The following ACTRT2 variants were observed in gnomAD, a reference collection of about 807,000 sequenced individuals.
ACTRT2 encodes actin related protein T2, also known as actin-related protein T2.
In ACTRT2, 1 loss-of-function variant was observed where a neutral mutation model predicts 1.2. The observed-to-expected ratio is 0.80, with a 90% CI of 0.29 to 3.81. The LOEUF (loss-of-function observed/expected upper bound fraction) is 3.81. Among genes scored for constraint, ACTRT2 ranks in the 30% most tolerant of loss-of-function variants. The probability of loss-of-function intolerance (pLI) is 0.18; values close to 1 mark genes in which losing one functional copy is unlikely to be tolerated. For synonymous variants in ACTRT2, 262 were observed against 228.9 expected, an observed-to-expected ratio of 1.14 and a Z score of -1.30; for missense variants, 488 against 497.9, an observed-to-expected ratio of 0.98 and a Z score of 0.19.
Position 3,021,842 on chromosome 1 carries a change from C to A in ACTRT2, c.156C>A (p.Asn52Lys), listed in dbSNP as rs1055654275. The A allele has an allele frequency of 6.2e-7, 1 of 1,609,312 alleles. No individual in the cohort carries two copies. The highest frequency in any genetic ancestry group is 8.5e-7 in the Non-Finnish European group (1 of 1,177,860). The change falls in exon 1 of 1, where the codon AAC becomes AAA. Residue 52 changes from asparagine to lysine, a missense_variant. Asn to Lys is a moderately conservative substitution (Grantham distance 94). Coordinates refer to ENST00000378404, the MANE Select transcript of ACTRT2 (RefSeq NM_080431.5). ...TCCAGGCTCCCTCAGCAGAGGCCAACCAGAAGAAGTACTTTGTGGGGGAGG... is the reference window on the plus strand; with the variant it reads ...TCCAGGCTCCCTCAGCAGAGGCCAAACAGAAGAAGTACTTTGTGGGGGAGG... ...LKFQAPSAEA[N>K]QKKYFVGEEA...
At position 3,022,005 on chromosome 1, in the gene ACTRT2, C is replaced by T. The variant is rs35806103; in HGVS notation, c.319C>T (p.Leu107=). Residue 107 remains leucine, a synonymous_variant, in exon 1 of 1, where the codon CTG becomes TTG. Transcript: ENST00000378404. This position sits in a 1 kb window ranked among gnomAD's most constrained non-coding sequence, Gnocchi z 7.7. ...AGGCGTGAAACCCAGCGACCAGCCCCTGCTTGCAACGGAGCCCTCCCTGAA... is the reference window on the plus strand; with the variant it reads ...AGGCGTGAAACCCAGCGACCAGCCCTTGCTTGCAACGGAGCCCTCCCTGAA... ...ELGVKPSDQP[L]LATEPSLNPR... 0.014 allele frequency: 22,956 copies of T among 1,613,544 alleles called. 571 individuals are homozygous for T. Among genetic ancestry groups the T allele is most frequent in the African/African-American group, 0.099 (7,407 of 75,026 alleles).
chr1:3,022,571 C>T lies in ACTRT2; in HGVS notation c.885C>T (p.Leu295=), dbSNP rs568258879. 35 of 1,613,052 alleles carry T rather than the reference C, an allele frequency of 2.2e-5. No homozygotes were observed. The African/African-American group carries it at 3.3e-4, about 15-fold the overall frequency. The change falls in exon 1 of 1, where the codon CTC becomes CTT. Residue 295 remains leucine, a synonymous_variant. Coordinates refer to ENST00000378404, the MANE Select transcript of ACTRT2 (RefSeq NM_080431.5). This position sits in a 1 kb window ranked among gnomAD's most constrained non-coding sequence, Gnocchi z 7.7. ...TKCDTDIQKI[L]FGEIVLSGGT... is the part of the protein sequence containing the mutation. ...GTGATACCGACATCCAGAAGATCCT[C>T]TTTGGGGAGATTGTGCTGTCGGGGG...
chr1:3,022,505 C>A lies in ACTRT2; in HGVS notation c.819C>A (p.Ser273Arg), dbSNP rs533283923. 8 of 1,612,924 alleles carry A rather than the reference C, an allele frequency of 5.0e-6. No homozygotes were observed. In the Admixed American group the frequency reaches 1.2e-4, roughly 24 times the overall value. ...TGCCCCAGCAGCTGGGCAGCCAGAG[C>A]CCCGGGCTCTCGAATATGGTCTCCA... Reference protein sequence around the residue: ...LFVPQQLGSQSPGLSNMVSSS... With the variant: ...LFVPQQLGSQRPGLSNMVSSS... The change falls in exon 1 of 1, where the codon AGC becomes AGA. Residue 273 changes from serine (S) to arginine (R), a missense_variant. Transcript: ENST00000378404. The surrounding 1 kb of genome is among the most constrained non-coding windows in gnomAD (Gnocchi z 7.7).
chr1:3,022,784 G>A lies in ACTRT2; in HGVS notation c.1098G>A (p.Glu366=). 1 of 1,613,582 alleles carries A rather than the reference G, an allele frequency of 6.2e-7. No individual in the cohort carries two copies. Among genetic ancestry groups the A allele is most frequent in the African/African-American group, 1.3e-5 (1 of 75,034 alleles). Residue 366 remains glutamate (E), a synonymous_variant, in exon 1 of 1, where the codon GAG becomes GAA. Coordinates refer to ENST00000378404, the MANE Select transcript of ACTRT2 (RefSeq NM_080431.5). This position sits in a 1 kb window ranked among gnomAD's most constrained non-coding sequence, Gnocchi z 7.7. ...GGGTCACCGCCGCAGACTTCAAGGA[G>A]TTTGGGACCTCCGTGGTGCAGAGAA... is the stretch of plus-strand genomic sequence containing the variant. ...QMWVTAADFK[E]FGTSVVQRRC...
At position 3,022,509 on chromosome 1, in the gene ACTRT2, G is replaced by A. The variant is rs201977075; in HGVS notation, c.823G>A (p.Gly275Arg). Residue 275 changes from glycine to arginine, a missense_variant, in exon 1 of 1, where the codon GGG becomes AGG. Coordinates refer to ENST00000378404, the MANE Select transcript of ACTRT2 (RefSeq NM_080431.5). This position sits in a 1 kb window ranked among gnomAD's most constrained non-coding sequence, Gnocchi z 7.7. ...CCAGCAGCTGGGCAGCCAGAGCCCC[G>A]GGCTCTCGAATATGGTCTCCAGCAG... Reference protein sequence around the residue: ...VPQQLGSQSPGLSNMVSSSIT... With the variant: ...VPQQLGSQSPRLSNMVSSSIT... 6.5e-5 allele frequency: 105 copies of A among 1,612,780 alleles called. No homozygotes were observed. Among genetic ancestry groups the A allele is most frequent in the Non-Finnish European group, 7.5e-5 (89 of 1,180,026 alleles).
In ACTRT2 at chr1:3,021,703, C is replaced by T; in HGVS notation, c.17C>T (p.Ala6Val). 6.2e-7 allele frequency: 1 copy of T among 1,613,514 alleles called. No homozygotes were observed. Among genetic ancestry groups the T allele is most frequent in the Non-Finnish European group, 8.5e-7 (1 of 1,179,858 alleles). ...GCTGCGGGCATGTTTAATCCGCACG[C>T]TTTAGACTCCCCGGCTGTGATTTTT... Reference protein sequence around the residue: MFNPHALDSPAVIFDN... With the variant: MFNPHVLDSPAVIFDN... The change falls in exon 1 of 1, where the codon GCT (alanine) becomes GTT (valine). Residue 6 changes from alanine (A) to valine (V), a missense_variant. Transcript: ENST00000378404.
rs574181144 is a variant in ACTRT2, at chr1:3,021,557, A to G, written c.-130A>G. On this transcript the variant is annotated 5_prime_UTR_variant, in exon 1 of 1. Coordinates refer to ENST00000378404, the MANE Select transcript of ACTRT2 (RefSeq NM_080431.5). ...GGCTGAGGATGCAGGGCTCCCGGGCACGGTGCTAGCCCTGCCTTGAGACAC... is the reference window on the plus strand; with the variant it reads ...GGCTGAGGATGCAGGGCTCCCGGGCGCGGTGCTAGCCCTGCCTTGAGACAC... The G allele has an allele frequency of 7.0e-4, 925 of 1,312,428 alleles. 1 individual carries two copies. Among genetic ancestry groups the G allele is most frequent in the Non-Finnish European group, 9.1e-4 (880 of 962,828 alleles). The allele number at this position is 1,312,428 out of a possible 1,614,324, so 81.3% of individuals were successfully genotyped here.
rs1362937424 is a variant in ACTRT2, at chr1:3,022,059, G to A, written c.373G>A (p.Glu125Lys). The A allele has an allele frequency of 6.2e-7, 1 of 1,613,566 alleles. No individual in the cohort carries two copies. The highest frequency in any genetic ancestry group is 8.5e-7 in the Non-Finnish European group (1 of 1,180,040). Residue 125 changes from glutamate (E) to lysine (K), a missense_variant, in exon 1 of 1, where the codon GAA (glutamate) becomes AAA (lysine). Coordinates refer to ENST00000378404, the MANE Select transcript of ACTRT2 (RefSeq NM_080431.5). This position sits in a 1 kb window ranked among gnomAD's most constrained non-coding sequence, Gnocchi z 7.7. ...NPRENREKMAEVMFENFGVPA... is the reference protein window; with the variant it reads ...NPRENREKMAKVMFENFGVPA... ...CAGGGAGAACCGTGAGAAGATGGCA[G>A]AAGTCATGTTCGAGAACTTCGGCGT...
Position 3,021,559 on chromosome 1 carries a change from G to C in ACTRT2, c.-128G>C. 2 of 1,330,178 alleles carry C rather than the reference G, an allele frequency of 1.5e-6. No individual in the cohort carries two copies. The highest frequency in any genetic ancestry group is 1.4e-5 in the South Asian group (1 of 69,150). 82.4% of individuals were successfully genotyped at this position (1,330,178 alleles called of 1,614,324 possible). A position where few individuals can be genotyped will look rare whatever the true frequency, so the allele number is the denominator to read the frequency against. ...CTGAGGATGCAGGGCTCCCGGGCAC[G>C]GTGCTAGCCCTGCCTTGAGACACCC... On this transcript the variant is annotated 5_prime_UTR_variant, in exon 1 of 1. Coordinates refer to ENST00000378404, the MANE Select transcript of ACTRT2 (RefSeq NM_080431.5).
At position 3,021,801 on chromosome 1, in the gene ACTRT2, G is replaced by T; in HGVS notation, c.115G>T (p.Val39Leu). 6.2e-7 allele frequency: 1 copy of T among 1,613,614 alleles called. No homozygotes were observed. The highest frequency in any genetic ancestry group is 8.5e-7 in the Non-Finnish European group (1 of 1,180,024). The change falls in exon 1 of 1, where the codon GTG becomes TTG. Residue 39 changes from valine to leucine, a missense_variant. Physicochemically the swap from Val to Leu is conservative, Grantham distance 32. Coordinates refer to ENST00000378404, the MANE Select transcript of ACTRT2 (RefSeq NM_080431.5). ...ACCCCGGCACATGGTCAGCTCCATC[G>T]TGGGGCACCTGAAATTCCAGGCTCC... ...FGPRHMVSSI[V>L]GHLKFQAPSA...
Position 3,021,492 on chromosome 1 carries a change from C to G in ACTRT2, c.-195C>G, listed in dbSNP as rs1641072267. On this transcript the variant is annotated 5_prime_UTR_variant, in exon 1 of 1. Transcript: ENST00000378404. ...AACCCCCTGGCCCCCTGGAAGAGGC[C>G]TCAGCAGGCCCAGGCCACCTGGAGG... The G allele has an allele frequency of 1.4e-6, 1 of 696,036 alleles. No individual in the cohort carries two copies. The highest frequency in any genetic ancestry group is 1.8e-5 in the African/African-American group (1 of 55,372). The allele number at this position is 696,036 out of a possible 1,614,324, so 43.1% of individuals were successfully genotyped here. A position where few individuals can be genotyped will look rare whatever the true frequency, so the allele number is the denominator to read the frequency against.
chr1:3,022,003 C>T lies in ACTRT2; in HGVS notation c.317C>T (p.Pro106Leu), dbSNP rs1641080788. The T allele has an allele frequency of 1.2e-6, 2 of 1,613,538 alleles. No homozygotes were observed. The highest frequency in any genetic ancestry group is 1.7e-6 in the Non-Finnish European group (2 of 1,180,028). ...WELGVKPSDQ[P>L]LLATEPSLNP... is the part of the protein sequence containing the mutation. ...CTAGGCGTGAAACCCAGCGACCAGC[C>T]CCTGCTTGCAACGGAGCCCTCCCTG... Residue 106 changes from proline (P) to leucine (L), a missense_variant, in exon 1 of 1, where the codon CCC becomes CTC. Coordinates refer to ENST00000378404, the MANE Select transcript of ACTRT2 (RefSeq NM_080431.5). The surrounding 1 kb of genome is among the most constrained non-coding windows in gnomAD (Gnocchi z 7.7).
At position 3,022,176 on chromosome 1, in the gene ACTRT2, A is replaced by G. The variant is rs991223801; in HGVS notation, c.490A>G (p.Thr164Ala). Reference sequence around the variant, plus strand: ...GGTGGTGGACAGCGGGGATGCGGTCACCTGCACTGTCCCCATCTTTGAGGG... The same window carrying G: ...GGTGGTGGACAGCGGGGATGCGGTCGCCTGCACTGTCCCCATCTTTGAGGG... The part of the protein sequence containing the change: ...GLVVDSGDAV[T>A]CTVPIFEGYS... Residue 164 changes from threonine (T) to alanine (A), a missense_variant, in exon 1 of 1, where the codon ACC (threonine) becomes GCC (alanine). Transcript: ENST00000378404. This position sits in a 1 kb window ranked among gnomAD's most constrained non-coding sequence, Gnocchi z 7.7. The G allele has an allele frequency of 6.2e-7, 1 of 1,612,892 alleles. No homozygotes were observed. Among genetic ancestry groups the G allele is most frequent in the African/African-American group, 1.3e-5 (1 of 74,890 alleles).
chr1:3,022,559 C>A lies in ACTRT2; in HGVS notation c.873C>A (p.Ile291=). ...GCATCACCAAGTGTGATACCGACAT[C>A]CAGAAGATCCTCTTTGGGGAGATTG... is the stretch of plus-strand genomic sequence containing the variant. The part of the protein sequence containing the change: ...SSSITKCDTD[I]QKILFGEIVL... The change falls in exon 1 of 1, where the codon ATC becomes ATA. Residue 291 remains isoleucine (I), a synonymous_variant. Coordinates refer to ENST00000378404, the MANE Select transcript of ACTRT2 (RefSeq NM_080431.5). The surrounding 1 kb of genome is among the most constrained non-coding windows in gnomAD (Gnocchi z 7.7). 6.2e-7 allele frequency: 1 copy of A among 1,612,976 alleles called. No homozygotes were observed. The highest frequency in any genetic ancestry group is 8.5e-7 in the Non-Finnish European group (1 of 1,180,022).
rs779567469 is a variant in ACTRT2 at position 3,022,088 on chromosome 1, C to G, written c.402C>G (p.Pro134=). ...AEVMFENFGV[P]AFYLSDQAVL... is the part of the protein sequence containing the mutation. ...TCATGTTCGAGAACTTCGGCGTGCC[C>G]GCTTTCTACCTGTCGGACCAGGCGG... The change falls in exon 1 of 1, where the codon CCC becomes CCG. Residue 134 remains proline (P), a synonymous_variant. Coordinates refer to ENST00000378404, the MANE Select transcript of ACTRT2 (RefSeq NM_080431.5). The surrounding 1 kb of genome is among the most constrained non-coding windows in gnomAD (Gnocchi z 7.7). 9.3e-6 allele frequency: 15 copies of G among 1,613,322 alleles called. No homozygotes were observed. In the East Asian group the frequency reaches 1.8e-4, roughly 19 times the overall value.
chr1:3,022,528 C>T lies in ACTRT2; in HGVS notation c.842C>T (p.Ser281Phe). The change falls in exon 1 of 1, where the codon TCC becomes TTC. Residue 281 changes from serine to phenylalanine, a missense_variant. Physicochemically the swap from Ser to Phe is radical, Grantham distance 155. Coordinates refer to ENST00000378404, the MANE Select transcript of ACTRT2 (RefSeq NM_080431.5). This position sits in a 1 kb window ranked among gnomAD's most constrained non-coding sequence, Gnocchi z 7.7. ...SQSPGLSNMVSSSITKCDTDI... is the reference protein window; with the variant it reads ...SQSPGLSNMVFSSITKCDTDI... ...AGCCCCGGGCTCTCGAATATGGTCT[C>T]CAGCAGCATCACCAAGTGTGATACC... 6.2e-7 allele frequency: 1 copy of T among 1,612,922 alleles called. No homozygotes were observed. The highest frequency in any genetic ancestry group is 1.3e-5 in the African/African-American group (1 of 75,036).
rs1346507970 is a variant in ACTRT2, at chr1:3,022,024, C to T, written c.338C>T (p.Ser113Phe). 6.2e-7 allele frequency: 1 copy of T among 1,613,598 alleles called. No individual in the cohort carries two copies. ...SDQPLLATEPSLNPRENREKM... is the reference protein window; with the variant it reads ...SDQPLLATEPFLNPRENREKM... Reference sequence around the variant, plus strand: ...CAGCCCCTGCTTGCAACGGAGCCCTCCCTGAACCCCAGGGAGAACCGTGAG... The same window carrying T: ...CAGCCCCTGCTTGCAACGGAGCCCTTCCTGAACCCCAGGGAGAACCGTGAG... Residue 113 changes from serine to phenylalanine, a missense_variant, in exon 1 of 1, where the codon TCC (serine) becomes TTC (phenylalanine). Ser to Phe is a radical substitution (Grantham distance 155). Transcript: ENST00000378404. This position sits in a 1 kb window ranked among gnomAD's most constrained non-coding sequence, Gnocchi z 7.7.
At position 3,022,049 on chromosome 1, in the gene ACTRT2, G is replaced by A; in HGVS notation, c.363G>A (p.Glu121=). ...EPSLNPRENR[E]KMAEVMFENF... is the part of the protein sequence containing the mutation. ...CCCTGAACCCCAGGGAGAACCGTGA[G>A]AAGATGGCAGAAGTCATGTTCGAGA... Residue 121 remains glutamate (E), a synonymous_variant, in exon 1 of 1, where the codon GAG becomes GAA. Transcript: ENST00000378404. The surrounding 1 kb of genome is among the most constrained non-coding windows in gnomAD (Gnocchi z 7.7). The A allele has an allele frequency of 6.2e-7, 1 of 1,613,562 alleles. No homozygotes were observed. The highest frequency in any genetic ancestry group is 8.5e-7 in the Non-Finnish European group (1 of 1,180,038).
At position 3,022,766 on chromosome 1, in the gene ACTRT2, C is replaced by T. The variant is rs1047466090; in HGVS notation, c.1080C>T (p.Thr360=). ...SLSSFKQMWV[T]AADFKEFGTS... ...GTAGCTTCAAGCAGATGTGGGTCAC[C>T]GCCGCAGACTTCAAGGAGTTTGGGA... The change falls in exon 1 of 1, where the codon ACC becomes ACT. Residue 360 remains threonine, a synonymous_variant. Coordinates refer to ENST00000378404, the MANE Select transcript of ACTRT2 (RefSeq NM_080431.5). The surrounding 1 kb of genome is among the most constrained non-coding windows in gnomAD (Gnocchi z 7.7). The T allele has an allele frequency of 2.0e-5, 33 of 1,613,712 alleles. No homozygotes were observed. The highest frequency in any genetic ancestry group is 1.6e-4 in the Middle Eastern group (1 of 6,084).
Sources: gnomAD v4.1 joint callset for allele counts on GRCh38, gnomAD v4.1.1 for gene constraint, Gnocchi (gnomAD v3.1) non-coding constraint, MANE v1.5 for transcripts, NCBI Gene and HGNC (gene_info 2026-07-23, HGNC 2026-07-21) for gene names.